MIPOL1: variants seen among roughly 807,000 people sequenced by gnomAD.
MIPOL1 encodes mirror-image polydactyly gene 1 protein.
MIPOL1 carries 57 observed loss-of-function variants against 60.9 expected under a neutral mutation model. That is an observed-to-expected ratio of 0.94 (90% CI 0.76 to 1.17). MIPOL1 has a LOEUF of 1.17. Among genes scored for constraint, MIPOL1 ranks in the 50% most tolerant of loss-of-function variants. MIPOL1 has a pLI of 0.00. For synonymous variants in MIPOL1, 179 were observed against 168.8 expected (o/e 1.06, Z -0.47); for missense variants, 551 against 511.6 (o/e 1.08, Z -0.74).
intron 9 of MIPOL1, among the ~76,000 whole-genome samples, chr14:37,312,882 C>G (rs185740331): frequency 2.6e-5 from 4 of 152,228 alleles, no homozygotes; most frequent in African/African-American, 9.6e-5. Flanking sequence ...TGTAAACTTC[C>G]ATTTCTTCAC....
chr14:37,330,927 G>A (rs1407839361), intron 9 of MIPOL1, among the ~76,000 whole-genome samples: 1 of 152,028 alleles, frequency 6.6e-6, no homozygotes, highest in Non-Finnish European at 1.5e-5. Context: ...GGGCTAAAAT[G>A]GAGCAGACAT....
At chr14:37,372,916 A>C (rs1019170650) in intron 10 of MIPOL1, among the ~76,000 whole-genome samples, 3 of 152,048 alleles carry the variant, frequency 2.0e-5, no homozygotes, top group Non-Finnish European at 4.4e-5. Context: ...TTTAAAAAAC[A>C]GCTTATTTTC....
chr14:37,281,509 A>G (rs1567264505), intron 6 of MIPOL1, among the ~76,000 whole-genome samples: 1 of 152,024 alleles, frequency 6.6e-6, no homozygotes, highest in Non-Finnish European at 1.5e-5. Flanking sequence ...GGTTCAAGTG[A>G]TTTTCCTGCC....
chr14:37,382,568 C>G (rs187859812), intron 10 of MIPOL1, among the ~76,000 whole-genome samples: 2 of 151,902 alleles, frequency 1.3e-5, no homozygotes, highest in African/African-American at 4.8e-5. Flanking sequence ...TTTAGACATA[C>G]GGTTTTTACC....
chr14:37,302,491 G>A (rs1448575002), intron 7 of MIPOL1, among the ~76,000 whole-genome samples: 2 of 151,322 alleles, frequency 1.3e-5, no homozygotes, highest in African/African-American at 2.4e-5. Flanking sequence ...TTTATATTCT[G>A]GATATAAGTC....
intron 7 of MIPOL1, among the ~76,000 whole-genome samples, chr14:37,297,674 G>A (rs1366697537): frequency 6.6e-6 from 1 of 152,058 alleles, no homozygotes; most frequent in Non-Finnish European, 1.5e-5. Context: ...GACAAACAGA[G>A]AGCCAAATCA....
At chr14:37,341,333 A>G (rs1367897954) in intron 9 of MIPOL1, among the ~76,000 whole-genome samples, 1 of 152,068 alleles carries the variant, frequency 6.6e-6, no homozygotes, top group Non-Finnish European at 1.5e-5. Context: ...GCCTATAGCT[A>G]TTTTTTTGTT....
intron 12 of MIPOL1, among the ~76,000 whole-genome samples, chr14:37,513,336 A>C (rs1203430745): frequency 2.0e-5 from 3 of 152,268 alleles, no homozygotes; most frequent in Non-Finnish European, 2.9e-5. Flanking sequence ...ATCTATATAT[A>C]AAGTAGGTTT....
At chr14:37,489,985 C>T (rs1053399520) in intron 11 of MIPOL1, among the ~76,000 whole-genome samples, 3 of 152,118 alleles carry the variant, frequency 2.0e-5, no homozygotes, top group South Asian at 2.1e-4. Flanking sequence ...CGCTGTGCTG[C>T]GAGATCTGCT....
intron 10 of MIPOL1, among the ~76,000 whole-genome samples, chr14:37,379,765 T>A (rs2092877258): frequency 6.6e-6 from 1 of 152,092 alleles, no homozygotes; most frequent in Admixed American, 6.6e-5. Flanking sequence ...TAGAAAAATG[T>A]AAATTTTTTT....
In MIPOL1 at chr14:37,498,509, A is replaced by T. The variant is rs1555336; in HGVS notation, c.1032-1399A>T. On this transcript the variant is annotated intron_variant, in intron 11 of 12. Transcript: ENST00000684589. ...GAATGCAGAAAGTGAGAGGACACAG[A>T]AAAAATAGTAAAATGGGCAAGAGAC... Among the ~76,000 whole-genome samples, 1,056 of 152,288 alleles carry T rather than the reference A, an allele frequency of 6.9e-3. 12 individuals carry two copies. Among genetic ancestry groups the T allele is most frequent in the African/African-American group, 0.024 (1,015 of 41,568 alleles).
intron 6 of MIPOL1, among the ~76,000 whole-genome samples, chr14:37,275,164 T>C (rs2083558066): frequency 6.6e-6 from 1 of 151,238 alleles, no homozygotes; most frequent in Admixed American, 6.6e-5. Context: ...ATAATTCTTA[T>C]TTAGTCTTAG....
chr14:37,348,689 T>C lies in MIPOL1; in HGVS notation c.829-20828T>C, dbSNP rs184435852. Among the ~76,000 whole-genome samples the C allele has an allele frequency of 1.7e-3, 254 of 152,050 alleles. 1 individual carries two copies. Among genetic ancestry groups the C allele is most frequent in the African/African-American group, 5.8e-3 (240 of 41,474 alleles). On this transcript the variant is annotated intron_variant, in intron 9 of 12. Transcript: ENST00000684589. The stretch of plus-strand genomic sequence containing the variant: ...GACTACCACTAAAAGGAAAATTTTC[T>C]TATTACCTCCACTTCTACCATCCTA...
At chr14:37,348,983 CTT>C (rs11347957) in intron 9 of MIPOL1, among the ~76,000 whole-genome samples, 14,299 of 73,394 alleles carry the variant, frequency 0.19, 597 homozygotes, top group Middle Eastern at 0.39. Context: ...CCAGCTAATT[CTT>C]TTTTTTTTTT....
intron 12 of MIPOL1, chr14:37,506,294 C>A (rs2095275796): frequency 6.6e-6 from 1 of 152,136 alleles, no homozygotes; most frequent in Non-Finnish European, 1.5e-5. Context: ...ATAGCCAAGA[C>A]AATCCTAAGC....
chr14:37,381,189 T>A (rs2092914331), intron 10 of MIPOL1, among the ~76,000 whole-genome samples: 2 of 152,134 alleles, frequency 1.3e-5, no homozygotes, highest in East Asian at 3.9e-4. Context: ...AGGCCTTTCC[T>A]ATCTCTGCCC....
rs139205266 is a variant in MIPOL1 at position 37,224,955 on chromosome 14, C to T, written c.-198-22148C>T. On this transcript the variant is annotated intron_variant, in intron 1 of 12. Transcript: ENST00000684589. Reference sequence around the variant, plus strand: ...GCTATTCCAAAGGGGAGAAATTGGCCAAAACAAAGGAGCTACAGGCCCCAT... The same window carrying T: ...GCTATTCCAAAGGGGAGAAATTGGCTAAAACAAAGGAGCTACAGGCCCCAT... Among the ~76,000 whole-genome samples the T allele has an allele frequency of 5.8e-3, 876 of 152,154 alleles. 9 individuals carry two copies. Among genetic ancestry groups the T allele is most frequent in the African/African-American group, 0.021 (853 of 41,508 alleles).
intron 6 of MIPOL1, among the ~76,000 whole-genome samples, chr14:37,282,238 A>ATTATTAT (rs2084167384): frequency 6.8e-6 from 1 of 146,396 alleles, no homozygotes; most frequent in East Asian, 2.0e-4. Flanking sequence ...TATTGCAGTA[A>ATTATTAT]TATTATTATT....
chr14:37,520,927 T>C (rs1211893259), intron 12 of MIPOL1, among the ~76,000 whole-genome samples: 1 of 9,856 alleles, frequency 1.0e-4, no homozygotes, highest in Non-Finnish European at 1.7e-4. Flanking sequence ...AACATTTTAC[T>C]TTTTTTTTTT....
Sources: gnomAD v4.1 joint callset for allele counts (sites outside exome capture counted in the v4.1 genomes callset) on GRCh38, gnomAD v4.1.1 for gene constraint, MANE v1.5 for transcripts, NCBI Gene and HGNC (gene_info 2026-07-23, HGNC 2026-07-21) for gene names.